Variants in MCTP1 observed in about 807,000 individuals in gnomAD.
MCTP1 encodes multiple C2 and transmembrane domain-containing protein 1.
In MCTP1, 69 loss-of-function variants were observed where a neutral mutation model predicts 120.6. The ratio of observed to expected loss-of-function variants is 0.57; its 90% CI spans 0.47 to 0.70. MCTP1 has a LOEUF of 0.70. Among genes scored for constraint, MCTP1 ranks in the 30% least tolerant of loss-of-function variants. The pLI is 0.00. For missense variants in MCTP1, 1,203 were observed against 1,248.8 expected, an observed-to-expected ratio of 0.96 and a Z score of 0.55; for synonymous variants, 529 against 493.1, an observed-to-expected ratio of 1.07 and a Z score of -0.96.
intron 2 of MCTP1, among the ~76,000 whole-genome samples, chr5:94,954,815 T>G (rs145878284): frequency 6.6e-6 from 1 of 152,324 alleles, no homozygotes; most frequent in Non-Finnish European, 1.5e-5. Flanking sequence ...CTCAGAAGTT[T>G]CAATTTTAGA....
At position 94,710,862 on chromosome 5, in the gene MCTP1, G is replaced by T. The variant is rs1173100727; in HGVS notation, c.2786C>A (p.Ala929Asp). Reference protein sequence around the residue: ...LAIVALCVFTAILYCIPLRYI... With the variant: ...LAIVALCVFTDILYCIPLRYI... ...TCTCAGCGGAATGCAGTACAGGATG[G>T]CTGTGAACACACAGAGGGCTACAAT... is the stretch of plus-strand genomic sequence containing the variant. Residue 929 changes from alanine to aspartate, a missense_variant, in exon 21 of 23, where the codon GCC (alanine) becomes GAC (aspartate). Coordinates refer to ENST00000515393, the MANE Select transcript of MCTP1 (RefSeq NM_024717.7). 1 of 1,612,900 alleles carries T rather than the reference G, an allele frequency of 6.2e-7. No homozygotes were observed. The highest frequency in any genetic ancestry group is 8.5e-7 in the Non-Finnish European group (1 of 1,179,340).
intron 1 of MCTP1, among the ~76,000 whole-genome samples, chr5:95,272,845 T>C (rs562569298): frequency 1.3e-5 from 2 of 152,354 alleles, no homozygotes; most frequent in African/African-American, 2.4e-5. Context: ...GCTGAGGGGA[T>C]GACCCAAATG....
At chr5:95,094,174 G>A (rs1233633023) in intron 1 of MCTP1, among the ~76,000 whole-genome samples, 2 of 152,196 alleles carry the variant, frequency 1.3e-5, no homozygotes, top group Non-Finnish European at 2.9e-5. Context: ...AATACGTTAT[G>A]CAGCAATAGG....
At chr5:94,986,501 T>C (rs1830441946) in intron 2 of MCTP1, among the ~76,000 whole-genome samples, 1 of 152,014 alleles carries the variant, frequency 6.6e-6, no homozygotes, top group African/African-American at 2.4e-5. Flanking sequence ...TGTGCTTAGG[T>C]CCATTTGTTT....
At chr5:94,736,788 T>C (rs1160407758) in intron 19 of MCTP1, among the ~76,000 whole-genome samples, 1 of 152,128 alleles carries the variant, frequency 6.6e-6, no homozygotes, top group Non-Finnish European at 1.5e-5. Context: ...ATTACTTAAC[T>C]GGCAAAAATA....
At chr5:94,854,151 T>A (rs1470821216) in intron 17 of MCTP1, among the ~76,000 whole-genome samples, 1 of 151,794 alleles carries the variant, frequency 6.6e-6, no homozygotes, top group Non-Finnish European at 1.5e-5. Context: ...TATTTCTCCC[T>A]CCTTACTCAG....
In MCTP1 at chr5:95,283,857, T is replaced by C. The variant is rs1582732431; in HGVS notation, c.719A>G (p.Gln240Arg). The change falls in exon 1 of 23, where the codon CAG becomes CGG. Residue 240 changes from glutamine to arginine, a missense_variant and splice_region_variant. This residue lies in a region of MCTP1 where 463 missense variants were observed against 377.8 expected (regional missense o/e 1.23). Coordinates refer to ENST00000515393, the MANE Select transcript of MCTP1 (RefSeq NM_024717.7). ...PETGEEHGSS[Q>R]KIINTAGTSN... Reference sequence around the variant, plus strand: ...TCCGGCCGCGCCACCGGCACTCACCTGGCTGCTGCCGTGCTCCTCGCCCGT... The same window carrying C: ...TCCGGCCGCGCCACCGGCACTCACCCGGCTGCTGCCGTGCTCCTCGCCCGT... 2 of 1,366,868 alleles carry C rather than the reference T, an allele frequency of 1.5e-6. No individual in the cohort carries two copies. 84.7% of individuals were successfully genotyped at this position (1,366,868 alleles called of 1,614,324 possible). A position where few individuals can be genotyped will look rare whatever the true frequency, so the allele number is the denominator to read the frequency against.
At chr5:95,025,245 G>C (rs1334816812) in intron 1 of MCTP1, among the ~76,000 whole-genome samples, 1 of 151,954 alleles carries the variant, frequency 6.6e-6, no homozygotes, top group Non-Finnish European at 1.5e-5. Flanking sequence ...ATAAAACAAA[G>C]AGCCCAGAAA....
intron 1 of MCTP1, among the ~76,000 whole-genome samples, chr5:95,251,659 G>T (rs979165339): frequency 2.0e-5 from 3 of 152,068 alleles, no homozygotes; most frequent in African/African-American, 7.2e-5. Flanking sequence ...CTGTAGTTGA[G>T]AAGGAACCAG....
intron 6 of MCTP1, 108 bp from the exon 7 acceptor site, chr5:94,924,129 T>C (rs1383160499): frequency 1.7e-6 from 1 of 572,932 alleles, no homozygotes; most frequent in Non-Finnish European, 2.9e-6. Flanking sequence ...GAAAATTATA[T>C]ATCCTAAAGA....
At chr5:95,056,874 C>T (rs1747524024) in intron 1 of MCTP1, among the ~76,000 whole-genome samples, 1 of 152,132 alleles carries the variant, frequency 6.6e-6, no homozygotes, top group South Asian at 2.1e-4. Context: ...TACACACACA[C>T]ACACAAACAC....
At chr5:94,750,719 T>G (rs922398311) in intron 19 of MCTP1, among the ~76,000 whole-genome samples, 1 of 152,216 alleles carries the variant, frequency 6.6e-6, no homozygotes, top group Non-Finnish European at 1.5e-5. Flanking sequence ...AAAAAAGCAT[T>G]GTGGTCTTAA....
chr5:94,770,393 A>G (rs1252924532), intron 19 of MCTP1, among the ~76,000 whole-genome samples: 3 of 152,220 alleles, frequency 2.0e-5, no homozygotes, highest in Non-Finnish European at 4.4e-5. Context: ...AGCTTTCCAG[A>G]GGACTTGTCT....
chr5:95,237,383 G>A (rs1258539258), intron 1 of MCTP1, among the ~76,000 whole-genome samples: 1 of 152,150 alleles, frequency 6.6e-6, no homozygotes, highest in East Asian at 1.9e-4. Flanking sequence ...AAATAACGGA[G>A]TAAGTAATAG....
chr5:94,788,452 CAT>C (rs1407812537), intron 18 of MCTP1, among the ~76,000 whole-genome samples: 2 of 152,142 alleles, frequency 1.3e-5, no homozygotes, highest in Non-Finnish European at 2.9e-5. Flanking sequence ...CAGATAAAGA[CAT>C]ATCATTTGTT....
intron 1 of MCTP1, among the ~76,000 whole-genome samples, chr5:95,136,410 A>T (rs1232430506): frequency 1.3e-5 from 2 of 152,214 alleles, no homozygotes; most frequent in Non-Finnish European, 2.9e-5. Flanking sequence ...ATGAGATGTT[A>T]AGTTAAGCTA....
At chr5:95,255,341 A>G (rs1757771137) in intron 1 of MCTP1, among the ~76,000 whole-genome samples, 1 of 152,230 alleles carries the variant, frequency 6.6e-6, no homozygotes, top group Non-Finnish European at 1.5e-5. Flanking sequence ...AGTTTAAGAA[A>G]TTAGAATTTA....
intron 18 of MCTP1, among the ~76,000 whole-genome samples, chr5:94,785,774 G>C (rs557603136): frequency 6.6e-6 from 1 of 151,960 alleles, no homozygotes; most frequent in East Asian, 1.9e-4. Flanking sequence ...CTAATAAAAG[G>C]TACACATTAT....
intron 19 of MCTP1, among the ~76,000 whole-genome samples, chr5:94,750,590 GACTGGCAGTATTTCAA>G (rs1768052031): frequency 6.6e-6 from 1 of 152,154 alleles, no homozygotes; most frequent in Admixed American, 6.5e-5. Context: ...CCAACATGGT[GACTGGCAGTATTTCAA>G]ACAGCAAAAC....
Sources: gnomAD v4.1 joint callset for allele counts (sites outside exome capture counted in the v4.1 genomes callset) on GRCh38, gnomAD v4.1.1 for gene constraint, gnomAD v4.1.1 regional missense constraint, MANE v1.5 for transcripts, NCBI Gene and HGNC (gene_info 2026-07-23, HGNC 2026-07-21) for gene names.